The following FNDC3B variants were observed in gnomAD, a reference collection of about 807,000 sequenced individuals.
FNDC3B encodes the protein fibronectin type III domain containing 3B.
FNDC3B carries 12 observed loss-of-function variants against 151.5 expected under a neutral mutation model. That is an observed-to-expected ratio of 0.08 (90% CI 0.05 to 0.13). FNDC3B has a LOEUF of 0.13. FNDC3B is among the 10% of genes least tolerant of loss of function. The pLI is 1.00. For synonymous variants in FNDC3B, 528 were observed against 549.0 expected, an observed-to-expected ratio of 0.96 and a Z score of 0.54; for missense variants, 1,214 against 1,505.3, an observed-to-expected ratio of 0.81 and a Z score of 3.20.
rs1392958291 is a variant in FNDC3B, at chr3:172,398,231, T to C, written c.*756T>C. The C allele has an allele frequency of 2.6e-5, 4 of 152,692 alleles. No individual in the cohort carries two copies. The highest frequency in any genetic ancestry group is 9.6e-5 in the African/African-American group (4 of 41,472). The allele number at this position is 152,692 out of a possible 1,614,324, so 9.5% of individuals were successfully genotyped here. Reference sequence around the variant, plus strand: ...TGTGCAATAGTTAGTTGTTTTCTTGTTCAGCTATTTTAAAGGCTGCTTTAA... The same window carrying C: ...TGTGCAATAGTTAGTTGTTTTCTTGCTCAGCTATTTTAAAGGCTGCTTTAA... On this transcript the variant is annotated 3_prime_UTR_variant, in exon 26 of 26. Coordinates refer to ENST00000415807, the MANE Select transcript of FNDC3B (RefSeq NM_022763.4).
intron 1 of FNDC3B, among the ~76,000 whole-genome samples, chr3:172,062,910 GA>G (rs950525611): frequency 5.3e-5 from 8 of 150,164 alleles, no homozygotes; most frequent in African/African-American, 1.7e-4. Flanking sequence ...GGCAGAGTCA[GA>G]AAAAAAAATA....
chr3:172,096,553 T>C (rs1389971809), intron 1 of FNDC3B, among the ~76,000 whole-genome samples: 2 of 152,182 alleles, frequency 1.3e-5, no homozygotes, highest in African/African-American at 4.8e-5. Context: ...CACCATCTTC[T>C]CTGAAGTAAA....
chr3:172,236,456 G>C (rs954733737), intron 4 of FNDC3B, among the ~76,000 whole-genome samples: 1 of 152,204 alleles, frequency 6.6e-6, no homozygotes, highest in African/African-American at 2.4e-5. Context: ...GTCAAGGTCT[G>C]TGCCAAGTGT....
At chr3:172,266,942 T>C (rs1728951248) in intron 6 of FNDC3B, among the ~76,000 whole-genome samples, 1 of 152,228 alleles carries the variant, frequency 6.6e-6, no homozygotes, top group Non-Finnish European at 1.5e-5. Flanking sequence ...CCAGCCCATT[T>C]GGCTGCATCC....
At chr3:172,131,824 T>C (rs1721118749) in intron 2 of FNDC3B, among the ~76,000 whole-genome samples, 1 of 152,198 alleles carries the variant, frequency 6.6e-6, no homozygotes. Context: ...GACTTTTAAA[T>C]TGCATCTTAT....
chr3:172,356,583 C>G (rs1025196983), intron 22 of FNDC3B, among the ~76,000 whole-genome samples: 1 of 152,256 alleles, frequency 6.6e-6, no homozygotes, highest in African/African-American at 2.4e-5. Context: ...GTGCCTGGAG[C>G]TGGAATGGTG....
At chr3:172,390,624 G>A (rs1735961548) in intron 25 of FNDC3B, among the ~76,000 whole-genome samples, 1 of 151,686 alleles carries the variant, frequency 6.6e-6, no homozygotes, top group South Asian at 2.1e-4. Flanking sequence ...CTTTTTAAAA[G>A]GGATGTAGCC....
At chr3:172,171,725 T>C (rs1042637151) in intron 3 of FNDC3B, among the ~76,000 whole-genome samples, 10 of 151,850 alleles carry the variant, frequency 6.6e-5, no homozygotes, top group Admixed American at 1.3e-4. Flanking sequence ...TGCATGAATG[T>C]TGCTGTTCTG....
At chr3:172,161,045 A>AAT (rs1388079289) in intron 3 of FNDC3B, among the ~76,000 whole-genome samples, 1 of 152,166 alleles carries the variant, frequency 6.6e-6, no homozygotes, top group Non-Finnish European at 1.5e-5. Flanking sequence ...TTTGTTTTTT[A>AAT]ATCTTATTTT....
Position 172,247,535 on chromosome 3 carries a change from G to A in FNDC3B, c.267G>A (p.Val89=). ...IHVPPGYISQ[V]IEDSTGVRRV... ...TTTCCTTTTGTGTTTTTCTTTAGGT[G>A]ATTGAAGATAGTACTGGAGTCCGCC... The change falls in exon 5 of 26, where the codon GTG becomes GTA. Residue 89 remains valine, a splice_region_variant and synonymous_variant. Coordinates refer to ENST00000415807, the MANE Select transcript of FNDC3B (RefSeq NM_022763.4). 6.2e-7 allele frequency: 1 copy of A among 1,613,672 alleles called. No individual in the cohort carries two copies. The highest frequency in any genetic ancestry group is 8.5e-7 in the Non-Finnish European group (1 of 1,179,670).
chr3:172,353,176 TC>T, intron 22 of FNDC3B, 93 bp downstream of exon 22: 1 of 1,219,116 alleles, frequency 8.2e-7, no homozygotes, highest in Non-Finnish European at 1.1e-6. Context: ...GGATGTCATC[TC>T]CCAGCTGTTT....
At chr3:172,384,930 C>T (rs1442286956) in intron 25 of FNDC3B, among the ~76,000 whole-genome samples, 1 of 152,192 alleles carries the variant, frequency 6.6e-6, no homozygotes, top group African/African-American at 2.4e-5. Flanking sequence ...TGAAAACACA[C>T]AGTACTGCAC....
chr3:172,087,260 G>A (rs1718593486), intron 1 of FNDC3B, among the ~76,000 whole-genome samples: 1 of 152,064 alleles, frequency 6.6e-6, no homozygotes, highest in Non-Finnish European at 1.5e-5. Context: ...CTTGACCGAA[G>A]CCATCTTTTT....
In FNDC3B at chr3:172,352,668, T is replaced by C. The variant is rs1733912753; in HGVS notation, c.2515-135T>C. Reference sequence around the variant, plus strand: ...GAAGGTGGTCATCAGATAGTAGACATTTTCTAGGATTTATTTCTACCTGCA... The same window carrying C: ...GAAGGTGGTCATCAGATAGTAGACACTTTCTAGGATTTATTTCTACCTGCA... On this transcript the variant is annotated intron_variant, in intron 21 of 25. Coordinates refer to ENST00000415807, the MANE Select transcript of FNDC3B (RefSeq NM_022763.4). The surrounding 1 kb of genome is among the most constrained non-coding windows in gnomAD (Gnocchi z 4.2). 1.1e-6 allele frequency: 1 copy of C among 946,624 alleles called. No homozygotes were observed. The highest frequency in any genetic ancestry group is 1.6e-5 in the African/African-American group (1 of 60,748). The allele number at this position is 946,624 out of a possible 1,614,324, so 58.6% of individuals were successfully genotyped here. A position where few individuals can be genotyped will look rare whatever the true frequency, so the allele number is the denominator to read the frequency against.
intron 2 of FNDC3B, among the ~76,000 whole-genome samples, chr3:172,126,651 C>T (rs890127410): frequency 3.3e-5 from 5 of 152,146 alleles, no homozygotes; most frequent in East Asian, 1.9e-4. Flanking sequence ...TGGTGGACAA[C>T]GTCTCAAACT....
chr3:172,275,176 G>A (rs143920322), intron 6 of FNDC3B, among the ~76,000 whole-genome samples: 30 of 152,230 alleles, frequency 2.0e-4, no homozygotes, highest in Non-Finnish European at 3.2e-4. Context: ...GTGGTTTATC[G>A]TCTGTAGAGT....
intron 2 of FNDC3B, 118 bp downstream of exon 2, chr3:172,112,708 G>T (rs1388548853): frequency 5.4e-6 from 4 of 740,142 alleles, no homozygotes; most frequent in Non-Finnish European, 9.6e-6. Flanking sequence ...ATTTCTAGAG[G>T]TAAGTGTTTT....
At chr3:172,149,806 G>GTTTTTTTTTTTTTTTTTTTTTTTTTT (rs10561622) in intron 3 of FNDC3B, among the ~76,000 whole-genome samples, 1 of 52,458 alleles carries the variant, frequency 1.9e-5, no homozygotes, top group Non-Finnish European at 3.2e-5. Context: ...TATGTTGGGT[G>GTTTTTTTTTTTTTTTTTTTTTTTTTT]TTTTTTTTTT....
intron 3 of FNDC3B, among the ~76,000 whole-genome samples, chr3:172,151,062 C>T (rs1470742983): frequency 6.6e-6 from 1 of 152,150 alleles, no homozygotes; most frequent in Non-Finnish European, 1.5e-5. Context: ...AACATCATTG[C>T]TTCTAAATAT....
Sources: gnomAD v4.1 joint callset for allele counts (sites outside exome capture counted in the v4.1 genomes callset) on GRCh38, gnomAD v4.1.1 for gene constraint, Gnocchi (gnomAD v3.1) non-coding constraint, MANE v1.5 for transcripts, NCBI Gene and HGNC (gene_info 2026-07-23, HGNC 2026-07-21) for gene names.